NXPE4: variants seen among roughly 807,000 people sequenced by gnomAD.
NXPE4 encodes neurexophilin and PC-esterase domain family member 4, also known as NXPE family member 4.
In NXPE4, 42 loss-of-function variants were observed where a neutral mutation model predicts 33.3. The ratio of observed to expected loss-of-function variants is 1.26; its 90% CI spans 0.98 to 1.63. The LOEUF (loss-of-function observed/expected upper bound fraction) is 1.63, where lower values mean the gene tolerates loss of function less well. NXPE4 is among the 40% of genes most tolerant of loss of function. NXPE4 has a pLI of 0.00. For synonymous variants in NXPE4, 253 were observed against 234.9 expected (o/e 1.08, Z -0.71); for missense variants, 709 against 647.6 (o/e 1.09, Z -1.03).
chr11:114,619,795 T>C, the NXPE4 span, among the ~76,000 whole-genome samples: 1 of 152,098 alleles, frequency 6.6e-6, no homozygotes, highest in Non-Finnish European at 1.5e-5. Flanking sequence ...TAATGCCTCG[T>C]GAGTAACCAC....
chr11:114,637,078 T>C, the NXPE4 span, among the ~76,000 whole-genome samples: 1 of 151,832 alleles, frequency 6.6e-6, no homozygotes, highest in Non-Finnish European at 1.5e-5. Context: ...AAGTCTCCCA[T>C]TATTAACGTG....
At chr11:114,592,613 A>G (rs1410962542) in intron 2 of NXPE4, among the ~76,000 whole-genome samples, 1 of 152,140 alleles carries the variant, frequency 6.6e-6, no homozygotes, top group African/African-American at 2.4e-5. Flanking sequence ...ACTAAAAGCA[A>G]TCTACAGATT....
chr11:114,639,364 G>A, the NXPE4 span, among the ~76,000 whole-genome samples: 3,216 of 150,976 alleles, frequency 0.021, 103 homozygotes, highest in African/African-American at 0.073. Context: ...TCCAGGTGCC[G>A]TCTGTTACCC....
At chr11:114,620,549 T>G in the NXPE4 span, among the ~76,000 whole-genome samples, 1 of 151,416 alleles carries the variant, frequency 6.6e-6, no homozygotes, top group Non-Finnish European at 1.5e-5. Flanking sequence ...GTGTTGCCTC[T>G]AGGGTAACCA....
chr11:114,606,218 C>T, the NXPE4 span, among the ~76,000 whole-genome samples: 1 of 151,646 alleles, frequency 6.6e-6, no homozygotes, highest in African/African-American at 2.4e-5. Flanking sequence ...CGTATTGCCT[C>T]ATGGGTAACC....
At chr11:114,610,219 A>G in the NXPE4 span, among the ~76,000 whole-genome samples, 27 of 152,034 alleles carry the variant, frequency 1.8e-4, no homozygotes, top group Admixed American at 1.6e-3. Flanking sequence ...CCCAGTCAAT[A>G]ATAAGTGTTG....
At chr11:114,583,985 A>G in intron 2 of NXPE4, 1 of 374,348 alleles carries the variant, frequency 2.7e-6, no homozygotes, top group Non-Finnish European at 5.2e-6. Context: ...CAAACTGGTC[A>G]TGTCCAAAGT....
chr11:114,627,859 G>C, the NXPE4 span, among the ~76,000 whole-genome samples: 3 of 150,772 alleles, frequency 2.0e-5, no homozygotes, highest in Non-Finnish European at 4.4e-5. Flanking sequence ...AAAAATGCAG[G>C]GATTGCAATC....
intron 5 of NXPE4, among the ~76,000 whole-genome samples, chr11:114,575,047 T>C (rs1948966898): frequency 6.6e-6 from 1 of 152,066 alleles, no homozygotes; most frequent in South Asian, 2.1e-4. Context: ...CATACGTAAG[T>C]CAATAAATGT....
chr11:114,613,539 T>C, the NXPE4 span, among the ~76,000 whole-genome samples: 1 of 151,884 alleles, frequency 6.6e-6, no homozygotes, highest in East Asian at 1.9e-4. Context: ...TAATCACTGT[T>C]ACCTGCTGCA....
chr11:114,595,339 T>C (rs1337530041), intron 1 of NXPE4, among the ~76,000 whole-genome samples: 8 of 152,192 alleles, frequency 5.3e-5, no homozygotes, highest in African/African-American at 1.9e-4. Context: ...TCAGTATTTT[T>C]CCATGATTCA....
chr11:114,629,450 G>T, the NXPE4 span, among the ~76,000 whole-genome samples: 1 of 148,722 alleles, frequency 6.7e-6, no homozygotes, highest in Non-Finnish European at 1.5e-5. Flanking sequence ...TGCAGAAAAG[G>T]CCTTTGACAA....
chr11:114,639,848 T>C, the NXPE4 span, among the ~76,000 whole-genome samples: 11 of 102,310 alleles, frequency 1.1e-4, no homozygotes, highest in African/African-American at 4.5e-4. Context: ...AAATATAAAA[T>C]ATAATATATA....
chr11:114,619,825 A>T, the NXPE4 span, among the ~76,000 whole-genome samples: 4 of 151,200 alleles, frequency 2.6e-5, no homozygotes, highest in Non-Finnish European at 4.4e-5. Flanking sequence ...GTTTATAATA[A>T]GTGTTGCCTC....
At chr11:114,645,999 G>A in the NXPE4 span, among the ~76,000 whole-genome samples, 11 of 152,028 alleles carry the variant, frequency 7.2e-5, no homozygotes, top group Admixed American at 3.3e-4. Context: ...ATATCTATTG[G>A]TTAGTACTTC....
chr11:114,603,665 C>T, the NXPE4 span, among the ~76,000 whole-genome samples: 2 of 151,464 alleles, frequency 1.3e-5, no homozygotes, highest in Non-Finnish European at 2.9e-5. Flanking sequence ...AGTATTGCCT[C>T]GTCTCTTGGG....
chr11:114,579,577 G>C (rs1949089130), intron 5 of NXPE4, among the ~76,000 whole-genome samples: 2 of 152,216 alleles, frequency 1.3e-5, no homozygotes, highest in Non-Finnish European at 2.9e-5. Flanking sequence ...AATGATGACA[G>C]TAATGATACC....
the NXPE4 span, among the ~76,000 whole-genome samples, chr11:114,604,732 T>G: frequency 6.7e-6 from 1 of 148,218 alleles, no homozygotes; most frequent in Non-Finnish European, 1.5e-5. Flanking sequence ...CCACTGTTAC[T>G]CGGTGGATAA....
the NXPE4 span, among the ~76,000 whole-genome samples, chr11:114,630,161 G>GA: frequency 1.6e-4 from 25 of 151,626 alleles, 2 homozygotes; most frequent in Admixed American, 1.4e-3. Flanking sequence ...CACAGAATTG[G>GA]AAAAAAACTA....
Sources: allele counts gnomAD v4.1 joint callset (sites outside exome capture counted in the v4.1 genomes callset), GRCh38; gene constraint gnomAD v4.1.1; transcripts MANE v1.5; gene names NCBI Gene and HGNC (gene_info 2026-07-23, HGNC 2026-07-21).